CAPN13: variants seen among roughly 807,000 people sequenced by gnomAD.
CAPN13 encodes calpain-13.
Under a neutral mutation model 98.4 loss-of-function variants are expected in CAPN13, and 90 were observed. The ratio of observed to expected loss-of-function variants is 0.92; its 90% CI spans 0.77 to 1.09. The LOEUF (loss-of-function observed/expected upper bound fraction) is 1.09, where lower values mean the gene tolerates loss of function less well. Among genes scored for constraint, CAPN13 ranks in the 50% least tolerant of loss-of-function variants. CAPN13 has a pLI of 0.00. For missense variants in CAPN13, 887 were observed against 841.3 expected, an observed-to-expected ratio of 1.05 and a Z score of -0.67; for synonymous variants, 330 against 305.5, an observed-to-expected ratio of 1.08 and a Z score of -0.84.
chr2:30,803,991 C>A (rs1281524774), intron 1 of CAPN13, among the ~76,000 whole-genome samples: 4 of 152,316 alleles, frequency 2.6e-5, no homozygotes, highest in Admixed American at 2.0e-4. Context: ...CATGCACCCC[C>A]ACAGCCTTCC....
At chr2:30,780,250 G>A (rs991290150) in intron 2 of CAPN13, among the ~76,000 whole-genome samples, 2 of 152,188 alleles carry the variant, frequency 1.3e-5, no homozygotes, top group Non-Finnish European at 2.9e-5. Context: ...GACAGTTTCA[G>A]TGTAAAAATA....
intron 11 of CAPN13, among the ~76,000 whole-genome samples, chr2:30,749,981 G>A (rs1184780631): frequency 6.6e-6 from 1 of 152,124 alleles, no homozygotes; most frequent in African/African-American, 2.4e-5. Context: ...GGAATATAAA[G>A]CATTCTACCA....
At chr2:30,764,969 G>A (rs1673040595) in intron 5 of CAPN13, among the ~76,000 whole-genome samples, 1 of 152,132 alleles carries the variant, frequency 6.6e-6, no homozygotes, top group Non-Finnish European at 1.5e-5. Flanking sequence ...TTAACTGAAG[G>A]TAACATAGGT....
chr2:30,739,235 G>A (rs1165099502), intron 15 of CAPN13, among the ~76,000 whole-genome samples: 2 of 152,126 alleles, frequency 1.3e-5, no homozygotes, highest in Non-Finnish European at 2.9e-5. Context: ...AGGGAAGAGG[G>A]GATGCTATGC....
chr2:30,734,108 T>C (rs768327683), intron 19 of CAPN13, among the ~76,000 whole-genome samples: 1 of 152,240 alleles, frequency 6.6e-6, no homozygotes, highest in Non-Finnish European at 1.5e-5. Context: ...TTAACCCTGA[T>C]GGCCCAGATA....
chr2:30,760,520 A>G (rs547641639), intron 7 of CAPN13, among the ~76,000 whole-genome samples: 1 of 152,216 alleles, frequency 6.6e-6, no homozygotes, highest in Non-Finnish European at 1.5e-5. Flanking sequence ...ACTCACCCCT[A>G]TGCCCAGGGG....
At chr2:30,762,886 A>T (rs1672919017) in intron 7 of CAPN13, among the ~76,000 whole-genome samples, 196 bp downstream of exon 7, 1 of 152,190 alleles carries the variant, frequency 6.6e-6, no homozygotes, top group Non-Finnish European at 1.5e-5. Flanking sequence ...AGAAAGGAGG[A>T]CACTGGGAGT....
chr2:30,730,777 G>C lies in CAPN13; in HGVS notation c.1993C>G (p.Leu665Val), dbSNP rs764769112. Residue 665 changes from leucine (L) to valine (V), a missense_variant, in exon 22 of 23, where the codon CTG (leucine) becomes GTG (valine). Coordinates refer to ENST00000295055, the MANE Select transcript of CAPN13 (RefSeq NM_144575.3). ...LYLTEMEWMS[L>V]VMYN ...TCTTTGCTTCAGTTGTACATGACCA[G>C]GCTCATCCACTGAAAAATAAGCATC... 1 of 780,816 alleles carries C rather than the reference G, an allele frequency of 1.3e-6. No individual in the cohort carries two copies. Among genetic ancestry groups the C allele is most frequent in the East Asian group, 2.4e-5 (1 of 41,242 alleles). 48.4% of individuals were successfully genotyped at this position (780,816 alleles called of 1,614,324 possible).
chr2:30,738,306 G>A lies in CAPN13; in HGVS notation c.1595-13C>T, dbSNP rs1217260989. On this transcript the variant is annotated splice_polypyrimidine_tract_variant and intron_variant, in intron 16 of 22. Transcript: ENST00000295055. ...TCCCCTGGAGGTCCTGAGGAGAGAA[G>A]GACAGGAAGGACTGAAGTGTTGACA... The A allele has an allele frequency of 1.9e-6, 3 of 1,613,918 alleles. No individual in the cohort carries two copies. Among genetic ancestry groups the A allele is most frequent in the Admixed American group, 1.7e-5 (1 of 60,018 alleles).
intron 5 of CAPN13, among the ~76,000 whole-genome samples, chr2:30,767,137 A>G (rs770246126): frequency 6.6e-6 from 1 of 152,232 alleles, no homozygotes; most frequent in Admixed American, 6.5e-5. Context: ...CCTCATCTGC[A>G]TGTGATCTTG....
rs1673673984 is a variant in CAPN13 at position 30,776,062 on chromosome 2, G to A, written c.272-17C>T. 2.6e-6 allele frequency: 4 copies of A among 1,561,658 alleles called. No homozygotes were observed. The highest frequency in any genetic ancestry group is 3.5e-6 in the Non-Finnish European group (4 of 1,139,262). On this transcript the variant is annotated splice_polypyrimidine_tract_variant and intron_variant, in intron 3 of 22. Coordinates refer to ENST00000295055, the MANE Select transcript of CAPN13 (RefSeq NM_144575.3). ...AGCAGTCAGCTGTGAGGGGAGATAA[G>A]CCAGGAAAGGCTGATTGGACACACT...
chr2:30,759,073 CCCTCCCTTCCTCT>C (rs1672676295), intron 7 of CAPN13, among the ~76,000 whole-genome samples: 1 of 30,472 alleles, frequency 3.3e-5, no homozygotes, highest in Admixed American at 3.3e-4. Context: ...CCTCCCTCCT[CCCTCCCTTCCTCT>C]CTGCCTCCCT....
intron 1 of CAPN13, among the ~76,000 whole-genome samples, chr2:30,806,714 C>A (rs1338194355): frequency 6.6e-6 from 1 of 152,232 alleles, no homozygotes; most frequent in Non-Finnish European, 1.5e-5. Flanking sequence ...TACAGAGACA[C>A]ATGTGTGTGA....
chr2:30,776,992 G>C (rs1223411744), intron 3 of CAPN13, among the ~76,000 whole-genome samples: 5 of 152,226 alleles, frequency 3.3e-5, no homozygotes, highest in Non-Finnish European at 7.3e-5. Context: ...TGAAAGCTTA[G>C]AGTGTATTCT....
chr2:30,758,561 C>T (rs1672580506), intron 7 of CAPN13, among the ~76,000 whole-genome samples: 1 of 152,168 alleles, frequency 6.6e-6, no homozygotes, highest in Admixed American at 6.5e-5. Flanking sequence ...GCCGGCAGCC[C>T]AGTGGGAGCT....
intron 17 of CAPN13, chr2:30,738,001 ACACACC>A (rs1301095237): frequency 3.3e-5 from 17 of 508,280 alleles, no homozygotes; most frequent in South Asian, 4.2e-5. Context: ...ACACACACAC[ACACACC>A]CCAGTACACT....
At chr2:30,805,853 C>T (rs982120156) in intron 1 of CAPN13, among the ~76,000 whole-genome samples, 1 of 151,332 alleles carries the variant, frequency 6.6e-6, no homozygotes, top group African/African-American at 2.4e-5. Context: ...AATCCTTTCA[C>T]CTCAACCATG....
At chr2:30,786,368 G>A (rs1440250603) in intron 2 of CAPN13, among the ~76,000 whole-genome samples, 3 of 152,152 alleles carry the variant, frequency 2.0e-5, no homozygotes, top group Non-Finnish European at 4.4e-5. Flanking sequence ...GTCCTTATCC[G>A]GGTGCTTTGC....
At chr2:30,734,721 C>CCT (rs1671273001) in intron 18 of CAPN13, among the ~76,000 whole-genome samples, 197 bp from the exon 19 acceptor site, 3 of 152,202 alleles carry the variant, frequency 2.0e-5, no homozygotes, top group African/African-American at 7.2e-5. Context: ...CTGCTTCCCT[C>CCT]CTCACCCATG....
Sources: allele counts gnomAD v4.1 joint callset (sites outside exome capture counted in the v4.1 genomes callset), GRCh38; gene constraint gnomAD v4.1.1; transcripts MANE v1.5; gene names NCBI Gene and HGNC (gene_info 2026-07-23, HGNC 2026-07-21).